SLC37A1: variants seen among roughly 807,000 people sequenced by gnomAD.
The protein encoded by SLC37A1 is glucose-6-phosphate exchanger SLC37A1.
Under a neutral mutation model 75.3 loss-of-function variants are expected in SLC37A1, and 49 were observed. That is an observed-to-expected ratio of 0.65 (90% CI 0.52 to 0.83). The LOEUF (loss-of-function observed/expected upper bound fraction) is 0.83, where lower values mean the gene tolerates loss of function less well. Ranked by LOEUF, SLC37A1 falls within the 40% of genes least tolerant of loss-of-function variation. SLC37A1 has a pLI of 0.00. For missense variants in SLC37A1, 566 were observed against 695.0 expected (o/e 0.81, Z 2.09); for synonymous variants, 268 against 292.1 (o/e 0.92, Z 0.84).
At chr21:42,518,964 G>C (rs111599848) in intron 2 of SLC37A1, among the ~76,000 whole-genome samples, 2 of 152,148 alleles carry the variant, frequency 1.3e-5, no homozygotes, top group African/African-American at 4.8e-5. Flanking sequence ...AGAGTGCCTC[G>C]CCTTGCATAT....
At position 42,570,173 on chromosome 21, in the gene SLC37A1, CATTGCCAT is replaced by C. The variant is rs1569041219; in HGVS notation, c.1423+1736_1423+1743del. Among the ~76,000 whole-genome samples, 26 of 94,644 alleles carry C rather than the reference CATTGCCAT, an allele frequency of 2.7e-4. 2 individuals are homozygous for C. Among genetic ancestry groups the C allele is most frequent in the East Asian group, 4.6e-4 (2 of 4,330 alleles). The allele number at this position is 94,644 out of a possible 152,430, so 62.1% of individuals were successfully genotyped here. A position where few individuals can be genotyped will look rare whatever the true frequency, so the allele number is the denominator to read the frequency against. ...TCTGAGAAGCGGCGGGCAGGGTGGC[CATTGCCAT>C]GTGACACATGGCCTGGTTCTGAGAA... On this transcript the variant is annotated intron_variant, in intron 17 of 19. Coordinates refer to ENST00000352133, the MANE Select transcript of SLC37A1 (RefSeq NM_001320537.2).
intron 12 of SLC37A1, 124 bp from the exon 13 acceptor site, chr21:42,563,691 T>C: frequency 1.3e-6 from 1 of 777,752 alleles, no homozygotes; most frequent in Non-Finnish European, 2.2e-6. Flanking sequence ...TACTAATTGC[T>C]CCTCGGTATA....
In SLC37A1 at chr21:42,539,570, A is replaced by G. The variant is rs1464986009; in HGVS notation, c.409A>G (p.Ser137Gly). Residue 137 changes from serine (S) to glycine (G), a missense_variant, in exon 6 of 20, where the codon AGC becomes GGC. By Grantham distance (56) the Ser-to-Gly change is moderately conservative (BLOSUM62 0). Transcript: ENST00000352133. ...RYYLTFGMLA[S>G]GAFTALFGLG... ...TTACCTAACTTTCGGGATGCTCGCC[A>G]GCGGAGCCTTCACCGCCCTGTTCGG... 1.2e-6 allele frequency: 2 copies of G among 1,614,096 alleles called. No individual in the cohort carries two copies. The highest frequency in any genetic ancestry group is 1.7e-5 in the Admixed American group (1 of 60,004).
intron 17 of SLC37A1, among the ~76,000 whole-genome samples, chr21:42,571,832 A>G (rs1399925): frequency 0.74 from 112,508 of 151,994 alleles, 42,580 homozygotes; most frequent in African/African-American, 0.81. Context: ...CACATTTCCG[A>G]CAAAGTTCTT....
chr21:42,565,536 C>T (rs2055954206), intron 14 of SLC37A1, among the ~76,000 whole-genome samples: 1 of 152,174 alleles, frequency 6.6e-6, no homozygotes, highest in African/African-American at 2.4e-5. Context: ...AAGGCAGCCC[C>T]TTGGCTGGGT....
intron 4 of SLC37A1, 82 bp downstream of exon 4, chr21:42,534,912 C>G: frequency 1.3e-6 from 2 of 1,511,600 alleles, no homozygotes; most frequent in Non-Finnish European, 1.8e-6. Context: ...AGCAGTAATG[C>G]TGTTCCCAGA....
intron 5 of SLC37A1, among the ~76,000 whole-genome samples, chr21:42,535,923 TCAGAGGTTGC>T (rs1437753489): frequency 6.6e-6 from 1 of 152,236 alleles, no homozygotes; most frequent in Non-Finnish European, 1.5e-5. Context: ...CTCCTGTGGT[TCAGAGGTTGC>T]CATCTGTTTA....
intron 10 of SLC37A1, among the ~76,000 whole-genome samples, chr21:42,558,604 T>C (rs766045841): frequency 6.6e-6 from 1 of 152,254 alleles, no homozygotes; most frequent in African/African-American, 2.4e-5. Flanking sequence ...TCCCAACCTT[T>C]TTTTTACAAG....
intron 1 of SLC37A1, among the ~76,000 whole-genome samples, chr21:42,516,653 A>G (rs1408664588): frequency 6.6e-6 from 1 of 152,246 alleles, no homozygotes; most frequent in Non-Finnish European, 1.5e-5. Context: ...TTGTTTTAAA[A>G]AGAAATCAAA....
intron 3 of SLC37A1, among the ~76,000 whole-genome samples, chr21:42,527,916 C>T (rs1015401157): frequency 3.3e-5 from 5 of 152,166 alleles, no homozygotes; most frequent in African/African-American, 7.2e-5. Context: ...CTGAAGCGCC[C>T]GTGTGCTTGA....
chr21:42,579,948 TC>T (rs2056391191), intron 19 of SLC37A1, 148 bp downstream of exon 19: 1 of 717,744 alleles, frequency 1.4e-6, no homozygotes, highest in African/African-American at 1.8e-5. Flanking sequence ...TCTCACTTTT[TC>T]TTTTCTAATA....
chr21:42,556,195 G>C (rs1031154946), intron 10 of SLC37A1, among the ~76,000 whole-genome samples: 1 of 152,226 alleles, frequency 6.6e-6, no homozygotes, highest in African/African-American at 2.4e-5. Flanking sequence ...AGGTCCCCGC[G>C]GGCGTTTTAG....
chr21:42,568,911 G>A (rs1465848134), intron 17 of SLC37A1, among the ~76,000 whole-genome samples: 2 of 152,276 alleles, frequency 1.3e-5, no homozygotes, highest in African/African-American at 4.8e-5. Context: ...GGAGCAGGCA[G>A]GTGGAGCTGG....
At chr21:42,557,880 T>C (rs1399922) in intron 10 of SLC37A1, among the ~76,000 whole-genome samples, 21,410 of 152,130 alleles carry the variant, frequency 0.14, 2,164 homozygotes, top group African/African-American at 0.28. Context: ...GTGAAAGGTC[T>C]GAGATACCTA....
chr21:42,565,808 T>C lies in SLC37A1; in HGVS notation c.1222-19T>C. ...TTGCAGCCAGCCATGGCTTTGACCT[T>C]GTGTCTTGATGTCCACAGCTCTACA... On this transcript the variant is annotated intron_variant, in intron 14 of 19. Transcript: ENST00000352133. 6.2e-7 allele frequency: 1 copy of C among 1,612,670 alleles called. No homozygotes were observed. The highest frequency in any genetic ancestry group is 8.5e-7 in the Non-Finnish European group (1 of 1,179,064).
chr21:42,569,711 C>T (rs573726267), intron 17 of SLC37A1, among the ~76,000 whole-genome samples: 5 of 152,374 alleles, frequency 3.3e-5, no homozygotes, highest in South Asian at 4.1e-4. Flanking sequence ...CAGTGGGATT[C>T]GGTGCACTCC....
chr21:42,521,132 A>G (rs1461899193), intron 2 of SLC37A1, among the ~76,000 whole-genome samples: 1 of 152,208 alleles, frequency 6.6e-6, no homozygotes, highest in Non-Finnish European at 1.5e-5. Context: ...GAGGAACAGG[A>G]TATCTACATT....
chr21:42,562,285 G>A (rs1027819768), intron 12 of SLC37A1, 117 bp downstream of exon 12: 3 of 866,020 alleles, frequency 3.5e-6, no homozygotes, highest in Non-Finnish European at 5.7e-6. Context: ...TGATTTGAGA[G>A]GTACACCTTT....
chr21:42,537,152 G>A (rs2055161040), intron 5 of SLC37A1, among the ~76,000 whole-genome samples: 1 of 152,208 alleles, frequency 6.6e-6, no homozygotes, highest in African/African-American at 2.4e-5. Context: ...TGCTGTTGGA[G>A]GAGAGTGCAT....
Sources: allele counts gnomAD v4.1 joint callset (sites outside exome capture counted in the v4.1 genomes callset), GRCh38; gene constraint gnomAD v4.1.1; transcripts MANE v1.5; gene names NCBI Gene and HGNC (gene_info 2026-07-23, HGNC 2026-07-21).